PDE3A: variants seen among roughly 807,000 people sequenced by gnomAD.
The protein encoded by PDE3A is cGMP-inhibited 3',5'-cyclic phosphodiesterase 3A.
Under a neutral mutation model 98.3 loss-of-function variants are expected in PDE3A, and 43 were observed. That is an observed-to-expected ratio of 0.44 (90% confidence interval 0.34 to 0.56). The LOEUF is 0.56. Ranked by LOEUF, PDE3A falls within the 20% of genes least tolerant of loss-of-function variation. The pLI, the probability that PDE3A is intolerant of heterozygous loss-of-function variation, is 0.01. For synonymous variants in PDE3A, 663 were observed against 567.9 expected, an observed-to-expected ratio of 1.17 and a Z score of -2.38; for missense variants, 1,427 against 1,440.7, an observed-to-expected ratio of 0.99 and a Z score of 0.15.
chr12:20,567,089 A>T (rs984640009), intron 2 of PDE3A, among the ~76,000 whole-genome samples: 1 of 152,006 alleles, frequency 6.6e-6, no homozygotes. Flanking sequence ...ATGACTTCAA[A>T]CAAGTTTTGC....
In PDE3A at chr12:20,553,897, G is replaced by A. The variant is rs1592051424; in HGVS notation, c.961-2763G>A. On this transcript the variant is annotated intron_variant, in intron 1 of 15. Coordinates refer to ENST00000359062, the MANE Select transcript of PDE3A (RefSeq NM_000921.5). ...CGGTCATCCAGTTCTTCCTGACACC[G>A]GATGGGTGCTTGGGAACCGTTTGAG... Among the ~76,000 whole-genome samples the A allele has an allele frequency of 2.0e-5, 3 of 151,852 alleles. No homozygotes were observed. The East Asian group carries it at 5.8e-4, about 29-fold the overall frequency.
intron 2 of PDE3A, among the ~76,000 whole-genome samples, chr12:20,592,903 G>GTGTT (rs1304613819): frequency 6.6e-6 from 1 of 151,974 alleles, no homozygotes; most frequent in African/African-American, 2.4e-5. Flanking sequence ...ATAGCACATT[G>GTGTT]TGTTAGAAGG....
intron 1 of PDE3A, among the ~76,000 whole-genome samples, chr12:20,414,292 A>G (rs1476923598): frequency 6.6e-6 from 1 of 152,228 alleles, no homozygotes; most frequent in Non-Finnish European, 1.5e-5. Flanking sequence ...GAATACAAGT[A>G]CTTAACAAGA....
intron 1 of PDE3A, among the ~76,000 whole-genome samples, chr12:20,385,988 TATATAAA>T (rs1943754324): frequency 9.4e-6 from 1 of 106,048 alleles, no homozygotes; most frequent in African/African-American, 4.3e-5. Context: ...ATATATAATA[TATATAAA>T]ATATATATAT....
chr12:20,396,861 G>A (rs1278902132), intron 1 of PDE3A, among the ~76,000 whole-genome samples: 2 of 151,920 alleles, frequency 1.3e-5, no homozygotes, highest in Non-Finnish European at 2.9e-5. Flanking sequence ...ATTGTGACCA[G>A]TTCTGCTTGC....
intron 2 of PDE3A, among the ~76,000 whole-genome samples, chr12:20,598,269 G>A (rs983780388): frequency 1.3e-5 from 2 of 151,518 alleles, no homozygotes. Context: ...TGCAACCTCC[G>A]CCTCCTTGGT....
intron 1 of PDE3A, among the ~76,000 whole-genome samples, chr12:20,432,172 T>C (rs1944709148): frequency 6.6e-6 from 1 of 152,196 alleles, no homozygotes. Context: ...GATTTCCCAG[T>C]TTACCAGATA....
At chr12:20,554,382 T>A (rs998020015) in intron 1 of PDE3A, among the ~76,000 whole-genome samples, 4 of 138,120 alleles carry the variant, frequency 2.9e-5, no homozygotes, top group Non-Finnish European at 4.8e-5. Flanking sequence ...ATAAAAAAAA[T>A]AAAAAAAGAT....
At chr12:20,446,508 T>C (rs530072797) in intron 1 of PDE3A, among the ~76,000 whole-genome samples, 1 of 152,242 alleles carries the variant, frequency 6.6e-6, no homozygotes, top group East Asian at 1.9e-4. Context: ...GGTTGGTGAG[T>C]AGTGGGGACA....
At chr12:20,500,670 A>G (rs2121080838) in intron 1 of PDE3A, among the ~76,000 whole-genome samples, 1 of 152,108 alleles carries the variant, frequency 6.6e-6, no homozygotes, top group South Asian at 2.1e-4. Context: ...TATGTTCCTC[A>G]AGTTGTTTTA....
intron 1 of PDE3A, among the ~76,000 whole-genome samples, chr12:20,525,874 C>T (rs1462561830): frequency 6.6e-6 from 1 of 152,136 alleles, no homozygotes; most frequent in Non-Finnish European, 1.5e-5. Flanking sequence ...AACTTGCTAT[C>T]TTATCAGTAC....
intron 2 of PDE3A, 109 bp downstream of exon 2, chr12:20,556,819 T>G: frequency 1.3e-6 from 1 of 795,412 alleles, no homozygotes; most frequent in Non-Finnish European, 2.2e-6. Context: ...AGAGGCAAAA[T>G]AACCATGCCA....
chr12:20,670,921 G>A (rs1296496770), intron 15 of PDE3A, among the ~76,000 whole-genome samples: 2 of 130,160 alleles, frequency 1.5e-5, no homozygotes, highest in Admixed American at 1.5e-4. Context: ...CTGGTTTTTT[G>A]AAAGGATCAA....
At chr12:20,394,050 C>T (rs571458185) in intron 1 of PDE3A, among the ~76,000 whole-genome samples, 5 of 152,096 alleles carry the variant, frequency 3.3e-5, no homozygotes, top group African/African-American at 1.2e-4. Flanking sequence ...TTGTGGACCA[C>T]GCAAGCATTT....
chr12:20,493,357 A>G (rs1483957105), intron 1 of PDE3A, among the ~76,000 whole-genome samples: 2 of 152,190 alleles, frequency 1.3e-5, no homozygotes, highest in Non-Finnish European at 2.9e-5. Flanking sequence ...AAATAACAGT[A>G]CAACAATAAA....
chr12:20,396,427 A>C (rs796733023), intron 1 of PDE3A, among the ~76,000 whole-genome samples: 96 of 152,256 alleles, frequency 6.3e-4, no homozygotes, highest in African/African-American at 2.2e-3. Flanking sequence ...GGAAAAGTGC[A>C]GAAGAATTTA....
chr12:20,374,995 T>G lies in PDE3A; in HGVS notation c.960+4751T>G, dbSNP rs60701589. Among the ~76,000 whole-genome samples the G allele has an allele frequency of 1.1e-3, 163 of 152,122 alleles. 1 individual carries two copies. The highest frequency in any genetic ancestry group is 3.9e-3 in the African/African-American group (161 of 41,552). The stretch of plus-strand genomic sequence containing the variant: ...AAATGTCTTATGCTCCCGGAAGTGA[T>G]GCATAACCCTACAGGTTTATGGTGA... On this transcript the variant is annotated intron_variant, in intron 1 of 15. Coordinates refer to ENST00000359062, the MANE Select transcript of PDE3A (RefSeq NM_000921.5).
chr12:20,455,428 A>C (rs149033145), intron 1 of PDE3A, among the ~76,000 whole-genome samples: 128 of 152,186 alleles, frequency 8.4e-4, no homozygotes, highest in Middle Eastern at 3.4e-3. Context: ...TCTGTTGATA[A>C]TTTCTTTTGC....
intron 1 of PDE3A, among the ~76,000 whole-genome samples, chr12:20,415,560 C>A (rs554767716): frequency 6.6e-6 from 1 of 152,042 alleles, no homozygotes; most frequent in Non-Finnish European, 1.5e-5. Context: ...ATCTCAGCCT[C>A]CCAAGTAGCT....
Sources: gnomAD v4.1 joint callset for allele counts (sites outside exome capture counted in the v4.1 genomes callset) on GRCh38, gnomAD v4.1.1 for gene constraint, MANE v1.5 for transcripts, NCBI Gene and HGNC (gene_info 2026-07-23, HGNC 2026-07-21) for gene names.